TMEM232: variants seen among roughly 807,000 people sequenced by gnomAD.
The protein encoded by TMEM232 is transmembrane protein 232.
A neutral mutation model predicts 78.8 loss-of-function variants in TMEM232; 80 were observed. The observed-to-expected ratio is 1.01, with a 90% CI of 0.85 to 1.22. TMEM232 has a LOEUF of 1.22. Ranked by LOEUF, TMEM232 falls within the 50% of genes most tolerant of loss-of-function variation. The pLI, the probability that TMEM232 is intolerant of heterozygous loss-of-function variation, is 0.00. For missense variants in TMEM232, 881 were observed against 742.2 expected, an observed-to-expected ratio of 1.19 and a Z score of -2.17; for synonymous variants, 297 against 254.3, an observed-to-expected ratio of 1.17 and a Z score of -1.60.
chr5:110,728,525 A>C (rs938872774), upstream of TMEM232, among the ~76,000 whole-genome samples: 5 of 151,716 alleles, frequency 3.3e-5, no homozygotes, highest in African/African-American at 1.2e-4. Context: ...GTATAACCTT[A>C]GAGTCACAAT....
chr5:110,402,513 C>T (rs960745843), intron 2 of TMEM232, among the ~76,000 whole-genome samples: 4 of 152,020 alleles, frequency 2.6e-5, no homozygotes, highest in Non-Finnish European at 4.4e-5. Flanking sequence ...GCAAACAATA[C>T]AAACAGACCC....
intron 1 of TMEM232, among the ~76,000 whole-genome samples, chr5:110,676,126 TATC>T (rs1324491077): frequency 1.3e-5 from 2 of 152,226 alleles, no homozygotes; most frequent in Non-Finnish European, 2.9e-5. Flanking sequence ...CTAAATTACA[TATC>T]ATTAGGTATA....
chr5:110,393,397 T>C (rs1337902225), intron 3 of TMEM232, among the ~76,000 whole-genome samples: 1 of 152,234 alleles, frequency 6.6e-6, no homozygotes, highest in East Asian at 1.9e-4. Context: ...TCATGTAATA[T>C]ACCTCTCTAT....
intron 12 of TMEM232, among the ~76,000 whole-genome samples, chr5:110,455,620 C>T (rs1760820034): frequency 6.6e-6 from 1 of 152,086 alleles, no homozygotes; most frequent in South Asian, 2.1e-4. Context: ...CCTCGTTATC[C>T]ACCCGCCTCA....
intron 1 of TMEM232, among the ~76,000 whole-genome samples, chr5:110,705,362 G>C (rs1795821314): frequency 6.6e-6 from 1 of 152,174 alleles, no homozygotes; most frequent in East Asian, 1.9e-4. Flanking sequence ...TTGACAAGAA[G>C]AGTCAATACT....
chr5:110,556,985 T>G (rs2149639070), intron 11 of TMEM232, among the ~76,000 whole-genome samples: 1 of 152,250 alleles, frequency 6.6e-6, no homozygotes, highest in Non-Finnish European at 1.5e-5. Flanking sequence ...TGTTTGTTTG[T>G]CTCCCTCTCT....
Position 110,516,502 on chromosome 5 carries a change from G to A in TMEM232, c.1703+12086C>T, listed in dbSNP as rs556149226. ...CTTGAGATCGTTTTACTGACAAATA[G>A]AGAAAAGAGAAATACTATGCTTTGA... On this transcript the variant is annotated intron_variant, in intron 12 of 13. Coordinates refer to ENST00000455884, the MANE Select transcript of TMEM232 (RefSeq NM_001039763.4). 3.0e-3 allele frequency among the ~76,000 whole-genome samples: 464 copies of A among 152,140 alleles called. 3 individuals are homozygous for A. Among genetic ancestry groups the A allele is most frequent in the African/African-American group, 0.011 (443 of 41,516 alleles).
At chr5:110,669,415 C>G (rs1262191067) in intron 1 of TMEM232, among the ~76,000 whole-genome samples, 1 of 152,076 alleles carries the variant, frequency 6.6e-6, no homozygotes, top group Non-Finnish European at 1.5e-5. Flanking sequence ...ATACACCCTC[C>G]CAAGACTAAA....
chr5:110,640,070 A>G (rs1786456674), intron 4 of TMEM232, among the ~76,000 whole-genome samples: 1 of 152,224 alleles, frequency 6.6e-6, no homozygotes, highest in Non-Finnish European at 1.5e-5. Flanking sequence ...CACATGACTG[A>G]TTAAAACTGA....
chr5:110,464,043 T>G (rs1761821283), intron 12 of TMEM232, among the ~76,000 whole-genome samples: 1 of 152,220 alleles, frequency 6.6e-6, no homozygotes, highest in Non-Finnish European at 1.5e-5. Context: ...CTGAGAGGCC[T>G]TTCCTGACCA....
At chr5:110,681,553 C>T (rs1792749945) in intron 1 of TMEM232, among the ~76,000 whole-genome samples, 1 of 152,068 alleles carries the variant, frequency 6.6e-6, no homozygotes, top group South Asian at 2.1e-4. Context: ...TAGTTGAATG[C>T]GTGAGAGAGA....
At chr5:110,537,416 G>A (rs1772527043) in intron 11 of TMEM232, among the ~76,000 whole-genome samples, 2 of 151,928 alleles carry the variant, frequency 1.3e-5, no homozygotes, top group Non-Finnish European at 2.9e-5. Flanking sequence ...AAGATGCACG[G>A]CAAATGGTCC....
chr5:110,628,217 A>C (rs1784658666), intron 5 of TMEM232, among the ~76,000 whole-genome samples: 1 of 149,102 alleles, frequency 6.7e-6, no homozygotes, highest in African/African-American at 2.6e-5. Flanking sequence ...TTTTTAAATA[A>C]AATAAAAGAG....
upstream of TMEM232, chr5:110,738,352 C>T: frequency 1.2e-6 from 1 of 808,784 alleles, no homozygotes; most frequent in Non-Finnish European, 1.6e-6. Flanking sequence ...TTAGACACAT[C>T]AGAAAAAAAT....
chr5:110,699,405 C>T (rs1405136718), intron 1 of TMEM232, among the ~76,000 whole-genome samples: 1 of 152,028 alleles, frequency 6.6e-6, no homozygotes, highest in Non-Finnish European at 1.5e-5. Flanking sequence ...AATTATAATG[C>T]TTCTTGTAAA....
chr5:110,421,436 TAGG>T (rs998761629), intron 13 of TMEM232, among the ~76,000 whole-genome samples: 6 of 151,614 alleles, frequency 4.0e-5, no homozygotes, highest in African/African-American at 7.3e-5. Context: ...TATATATAAT[TAGG>T]AGGAACTTTT....
intron 10 of TMEM232, among the ~76,000 whole-genome samples, chr5:110,602,223 G>A (rs1295256739): frequency 6.6e-6 from 1 of 152,028 alleles, no homozygotes; most frequent in Non-Finnish European, 1.5e-5. Flanking sequence ...TACCATTCAG[G>A]ACACAGGCAT....
intron 1 of TMEM232, among the ~76,000 whole-genome samples, chr5:110,697,280 C>T (rs1406426496): frequency 6.6e-6 from 1 of 152,118 alleles, no homozygotes; most frequent in Admixed American, 6.6e-5. Flanking sequence ...TTCCTTACAC[C>T]TTATACAAAA....
intron 10 of TMEM232, among the ~76,000 whole-genome samples, chr5:110,603,265 T>C (rs1781176001): frequency 6.6e-6 from 1 of 150,808 alleles, no homozygotes; most frequent in African/African-American, 2.4e-5. Flanking sequence ...AGCCTGCAAG[T>C]TCTACACATG....
Sources: gnomAD v4.1 joint callset for allele counts (sites outside exome capture counted in the v4.1 genomes callset) on GRCh38, gnomAD v4.1.1 for gene constraint, MANE v1.5 for transcripts, NCBI Gene and HGNC (gene_info 2026-07-23, HGNC 2026-07-21) for gene names.